Variants in RAB11FIP4 observed in about 807,000 individuals in gnomAD.
The protein encoded by RAB11FIP4 is rab11 family-interacting protein 4.
Under a neutral mutation model 74.3 loss-of-function variants are expected in RAB11FIP4, and 23 were observed. The ratio of observed to expected loss-of-function variants is 0.31; its 90% CI spans 0.22 to 0.44. The LOEUF is 0.44. RAB11FIP4 is among the 20% of genes least tolerant of loss of function. The pLI is 1.00. For missense variants in RAB11FIP4, 630 were observed against 863.9 expected, an observed-to-expected ratio of 0.73 and a Z score of 3.39; for synonymous variants, 360 against 359.9, an observed-to-expected ratio of 1.00 and a Z score of 0.00.
intron 11 of RAB11FIP4, 67 bp from the exon 12 acceptor site, chr17:31,528,339 A>T (rs1317866314): frequency 1.3e-6 from 2 of 1,525,474 alleles, no homozygotes; most frequent in Non-Finnish European, 1.8e-6. Context: ...GACCCCAGGG[A>T]CACCCCTGGA....
At chr17:31,416,173 C>T (rs1393635279) in intron 1 of RAB11FIP4, among the ~76,000 whole-genome samples, 2 of 152,190 alleles carry the variant, frequency 1.3e-5, no homozygotes, top group Non-Finnish European at 2.9e-5. Flanking sequence ...TGGTAATGTT[C>T]CCCTTTGCCC....
intron 3 of RAB11FIP4, chr17:31,448,407 TTTTTG>T (rs2071490822): frequency 7.0e-6 from 1 of 143,046 alleles, no homozygotes; most frequent in African/African-American, 2.7e-5. Flanking sequence ...TTTTTTTTTT[TTTTTG>T]GCAGAGACCG....
intron 1 of RAB11FIP4, among the ~76,000 whole-genome samples, chr17:31,400,225 C>T (rs2070971896): frequency 6.6e-6 from 1 of 152,142 alleles, no homozygotes; most frequent in Admixed American, 6.6e-5. Context: ...CAGAAAGAAA[C>T]ATTAGTGCCG....
At position 31,517,653 on chromosome 17, in the gene RAB11FIP4, C is replaced by T. The variant is rs1350919639; in HGVS notation, c.339C>T (p.Gly113=). The T allele has an allele frequency of 1.9e-6, 3 of 1,600,082 alleles. No homozygotes were observed. Among genetic ancestry groups the T allele is most frequent in the African/African-American group, 2.7e-5 (2 of 74,834 alleles). Reference sequence around the variant, plus strand: ...TGTCTCTGCTCTCTCTTTCCCAGGGCAGCGAGGTCACAGGCCCCACCTTTG... The same window carrying T: ...TGTCTCTGCTCTCTCTTTCCCAGGGTAGCGAGGTCACAGGCCCCACCTTTG... The part of the protein sequence containing the change: ...APEIPDCVEQ[G]SEVTGPTFAD... The change falls in exon 4 of 15, where the codon GGC becomes GGT. Residue 113 remains glycine (G), a splice_region_variant and synonymous_variant. Coordinates refer to ENST00000621161, the MANE Select transcript of RAB11FIP4 (RefSeq NM_032932.6).
At chr17:31,442,873 TC>T (rs1408233352) in intron 3 of RAB11FIP4, among the ~76,000 whole-genome samples, 1 of 149,468 alleles carries the variant, frequency 6.7e-6, no homozygotes, top group East Asian at 2.0e-4. Flanking sequence ...GGCAGGAGAA[TC>T]CCTTGAACCC....
intron 7 of RAB11FIP4, chr17:31,523,041 A>G (rs1420233310): frequency 4.7e-6 from 1 of 210,878 alleles, no homozygotes; most frequent in Non-Finnish European, 9.8e-6. Flanking sequence ...GGCCTGGAGA[A>G]TTCTCTGCCT....
At chr17:31,396,902 G>C (rs1210182050) in intron 1 of RAB11FIP4, among the ~76,000 whole-genome samples, 1 of 152,160 alleles carries the variant, frequency 6.6e-6, no homozygotes, top group African/African-American at 2.4e-5. Context: ...GAAATGAAAT[G>C]ATGGTCCCCA....
chr17:31,530,281 G>C (rs762316598), intron 13 of RAB11FIP4, 45 bp from the exon 14 acceptor site: 1 of 1,604,340 alleles, frequency 6.2e-7, no homozygotes, highest in Non-Finnish European at 8.5e-7. Flanking sequence ...AGTGGGCTGT[G>C]GATGCCTCTT....
intron 3 of RAB11FIP4, among the ~76,000 whole-genome samples, chr17:31,496,539 T>G (rs770697545): frequency 3.9e-5 from 6 of 152,258 alleles, no homozygotes; most frequent in Non-Finnish European, 8.8e-5. Context: ...TCTTCCCTCG[T>G]CCTTCTCCCC....
chr17:31,496,050 A>G (rs1487052804), intron 3 of RAB11FIP4, among the ~76,000 whole-genome samples: 1 of 152,248 alleles, frequency 6.6e-6, no homozygotes, highest in African/African-American at 2.4e-5. Context: ...ACTTGAAATA[A>G]CGGTGCATTG....
intron 3 of RAB11FIP4, among the ~76,000 whole-genome samples, chr17:31,510,381 C>G (rs2073328229): frequency 1.3e-5 from 2 of 152,242 alleles, no homozygotes; most frequent in African/African-American, 4.8e-5. Flanking sequence ...GCACACCTTC[C>G]CAGCGGCAGC....
intron 3 of RAB11FIP4, among the ~76,000 whole-genome samples, chr17:31,495,240 C>G (rs2072091528): frequency 6.6e-6 from 1 of 152,196 alleles, no homozygotes; most frequent in Non-Finnish European, 1.5e-5. Context: ...GGGTGACTGC[C>G]CTTGGTAGTT....
Position 31,457,324 on chromosome 17 carries a change from GC to G in RAB11FIP4, c.336+23204del, listed in dbSNP as rs1265754315. On this transcript the variant is annotated intron_variant, in intron 3 of 14. Coordinates refer to ENST00000621161, the MANE Select transcript of RAB11FIP4 (RefSeq NM_032932.6). ...GTTTGTTCACTGACGTTGACTGAGG[GC>G]CTTTCCAGAGTCAGGAGCTGACCTC... is the stretch of plus-strand genomic sequence containing the variant. Among the ~76,000 whole-genome samples, 6 of 152,162 alleles carry G rather than the reference GC, an allele frequency of 3.9e-5. No homozygotes were observed. In the East Asian group the frequency reaches 1.2e-3, roughly 29 times the overall value.
chr17:31,498,425 G>A (rs945575096), intron 3 of RAB11FIP4, among the ~76,000 whole-genome samples: 1 of 152,228 alleles, frequency 6.6e-6, no homozygotes. Flanking sequence ...TGTGCTGATG[G>A]GAGGTACCAG....
chr17:31,454,077 C>A (rs2071554677), intron 3 of RAB11FIP4, among the ~76,000 whole-genome samples: 1 of 151,912 alleles, frequency 6.6e-6, no homozygotes, highest in African/African-American at 2.4e-5. Context: ...AAGAATTGAG[C>A]CCACCCCTTT....
chr17:31,413,920 A>G (rs2071123358), intron 1 of RAB11FIP4, among the ~76,000 whole-genome samples: 1 of 152,234 alleles, frequency 6.6e-6, no homozygotes, highest in Non-Finnish European at 1.5e-5. Flanking sequence ...AATTGCTGGA[A>G]GAAGAGGTGC....
At position 31,432,561 on chromosome 17, in the gene RAB11FIP4, C is replaced by G. The variant is rs574559641; in HGVS notation, c.247+661C>G. 4.4e-3 allele frequency among the ~76,000 whole-genome samples: 662 copies of G among 152,114 alleles called. 2 individuals are homozygous for G. The highest frequency in any genetic ancestry group is 0.015 in the African/African-American group (628 of 41,490). ...TTTAAGTAGAGATGGAGTTTTGTCA[C>G]GTTGTCCAGCCTGGTCTTGAACTCC... On this transcript the variant is annotated intron_variant, in intron 2 of 14. Coordinates refer to ENST00000621161, the MANE Select transcript of RAB11FIP4 (RefSeq NM_032932.6).
chr17:31,537,387 G>C lies in RAB11FIP4; in HGVS notation c.*5655G>C, dbSNP rs760082572. The C allele has an allele frequency of 6.6e-5, 26 of 395,976 alleles. No individual in the cohort carries two copies. Among genetic ancestry groups the C allele is most frequent in the Admixed American group, 8.9e-5 (2 of 22,594 alleles). The allele number at this position is 395,976 out of a possible 1,614,324, so 24.5% of individuals were successfully genotyped here. On this transcript the variant is annotated 3_prime_UTR_variant, in exon 15 of 15. Transcript: ENST00000621161. ...TCTTTCATTATTGTCTTAAGCATGGGGGGCTAGGACCCACTTAGTCCCTCC... is the reference window on the plus strand; with the variant it reads ...TCTTTCATTATTGTCTTAAGCATGGCGGGCTAGGACCCACTTAGTCCCTCC...
chr17:31,457,511 C>G (rs1453039961), intron 3 of RAB11FIP4, among the ~76,000 whole-genome samples: 1 of 152,132 alleles, frequency 6.6e-6, no homozygotes, highest in Non-Finnish European at 1.5e-5. Context: ...CCAGTCCCCC[C>G]TGGAACTGGC....
Sources: gnomAD v4.1 joint callset for allele counts (sites outside exome capture counted in the v4.1 genomes callset) on GRCh38, gnomAD v4.1.1 for gene constraint, MANE v1.5 for transcripts, NCBI Gene and HGNC (gene_info 2026-07-23, HGNC 2026-07-21) for gene names.